NSD2: variants seen among roughly 807,000 people sequenced by gnomAD.
The protein encoded by NSD2 is histone-lysine N-methyltransferase NSD2.
NSD2 carries 12 observed loss-of-function variants against 139.0 expected under a neutral mutation model. The ratio of observed to expected loss-of-function variants is 0.09; its 90% CI spans 0.06 to 0.14. NSD2 has a LOEUF of 0.14. Among genes scored for constraint, NSD2 ranks in the 10% least tolerant of loss-of-function variants. The pLI is 1.00. For missense variants in NSD2, 1,155 were observed against 1,745.0 expected (o/e 0.66, Z 6.02); for synonymous variants, 669 against 648.7 (o/e 1.03, Z -0.48).
At chr4:1,876,536 T>C (rs915562353) in intron 1 of NSD2, among the ~76,000 whole-genome samples, 13 of 151,900 alleles carry the variant, frequency 8.6e-5, no homozygotes, top group African/African-American at 2.9e-4. Context: ...ACAAAAATTT[T>C]TGAAAATTAG....
intron 18 of NSD2, among the ~76,000 whole-genome samples, chr4:1,961,988 G>A (rs1432438747): frequency 1.3e-5 from 2 of 152,252 alleles, no homozygotes; most frequent in African/African-American, 4.8e-5. Context: ...ATTAATAGTA[G>A]TGCTTGAAAA....
rs1229975091 is a variant in NSD2 at position 1,906,761 on chromosome 4, A to G, written c.760+2383A>G. Among the ~76,000 whole-genome samples, 3 of 148,700 alleles carry G rather than the reference A, an allele frequency of 2.0e-5. No individual in the cohort carries two copies. The Admixed American group carries it at 2.0e-4, about 10-fold the overall frequency. The stretch of plus-strand genomic sequence containing the variant: ...CTGCAACCTCTGCTTCCTGGGTTCA[A>G]GGAATTCTTGTGTCTCAGCTTCCTG... On this transcript the variant is annotated intron_variant, in intron 3 of 21. Transcript: ENST00000508803.
chr4:1,893,249 C>G (rs1023898534), intron 1 of NSD2, among the ~76,000 whole-genome samples: 1 of 152,182 alleles, frequency 6.6e-6, no homozygotes, highest in African/African-American at 2.4e-5. Flanking sequence ...GGGTAGATCA[C>G]CTGAGGTCAG....
chr4:1,919,332 T>C (rs1175135107), intron 5 of NSD2: 2 of 152,188 alleles, frequency 1.3e-5, no homozygotes, highest in African/African-American at 2.4e-5. Context: ...TCTGTAAAGC[T>C]CATTGTGTCC....
intron 7 of NSD2, among the ~76,000 whole-genome samples, chr4:1,937,055 ATTT>A (rs547698122): frequency 2.8e-5 from 4 of 144,658 alleles, no homozygotes; most frequent in African/African-American, 7.6e-5. Context: ...TGGTCACCTA[ATTT>A]TTTTTTTTTT....
intron 18 of NSD2, among the ~76,000 whole-genome samples, chr4:1,968,333 G>A (rs940746432): frequency 2.0e-5 from 3 of 152,258 alleles, no homozygotes. Context: ...CTGCGAGGCA[G>A]GAAGGAAGAT....
chr4:1,892,416 C>T (rs1316949976), intron 1 of NSD2, among the ~76,000 whole-genome samples: 4 of 152,156 alleles, frequency 2.6e-5, no homozygotes, highest in Non-Finnish European at 4.4e-5. Context: ...GTTCAGCCTC[C>T]CTAGCCCCTT....
chr4:1,953,235 G>C, intron 11 of NSD2, 89 bp from the exon 12 acceptor site: 1 of 1,608,098 alleles, frequency 6.2e-7, no homozygotes, highest in Non-Finnish European at 8.5e-7. Context: ...CCTCTGAAGA[G>C]GAGTTGCTTG....
chr4:1,928,130 T>G (rs1577464555), intron 5 of NSD2, among the ~76,000 whole-genome samples: 1 of 152,058 alleles, frequency 6.6e-6, no homozygotes, highest in South Asian at 2.1e-4. Context: ...CTCAAACTCC[T>G]GGCCTCAAGT....
intron 5 of NSD2, among the ~76,000 whole-genome samples, chr4:1,923,663 C>T (rs1216241753): frequency 1.3e-5 from 2 of 152,138 alleles, no homozygotes; most frequent in Non-Finnish European, 2.9e-5. Context: ...TTGGCAAGAT[C>T]TAGTGAAATT....
rs1341400131 is a variant in NSD2 at position 1,955,046 on chromosome 4, T to G, written c.2339-115T>G. On this transcript the variant is annotated intron_variant, in intron 12 of 21. Coordinates refer to ENST00000508803, the MANE Select transcript of NSD2 (RefSeq NM_001042424.3). This position sits in a 1 kb window ranked among gnomAD's most constrained non-coding sequence, Gnocchi z 4.7. ...CTTTTTTTAAATCAAATACCTCCATTTCATTTTAGCATTAACTTTTCAAAT... is the reference window on the plus strand; with the variant it reads ...CTTTTTTTAAATCAAATACCTCCATGTCATTTTAGCATTAACTTTTCAAAT... 1 of 1,161,350 alleles carries G rather than the reference T, an allele frequency of 8.6e-7. No homozygotes were observed. Among genetic ancestry groups the G allele is most frequent in the African/African-American group, 1.5e-5 (1 of 64,768 alleles). The allele number at this position is 1,161,350 out of a possible 1,614,324, so 71.9% of individuals were successfully genotyped here. A position where few individuals can be genotyped will look rare whatever the true frequency, so the allele number is the denominator to read the frequency against.
intron 9 of NSD2, chr4:1,943,158 G>C (rs1292218236): frequency 9.6e-6 from 10 of 1,043,388 alleles, no homozygotes; most frequent in Non-Finnish European, 1.2e-5. Context: ...TCCTGCCCCA[G>C]GTGTCCGCAT....
Position 1,958,638 on chromosome 4 carries a change from G to A in NSD2, c.2985+602G>A, listed in dbSNP as rs528087683. 6.6e-6 allele frequency among the ~76,000 whole-genome samples: 1 copy of A among 152,360 alleles called. No homozygotes were observed. Among genetic ancestry groups the A allele is most frequent in the South Asian group, 2.1e-4 (1 of 4,832 alleles). On this transcript the variant is annotated intron_variant, in intron 16 of 21. Coordinates refer to ENST00000508803, the MANE Select transcript of NSD2 (RefSeq NM_001042424.3). This position sits in a 1 kb window ranked among gnomAD's most constrained non-coding sequence, Gnocchi z 4.6. ...CGAGTGTTTGTGATAAGTGTGTGCC[G>A]GAGGTCAGGTGCTCTGCCTTTGCTT...
chr4:1,950,829 ATATG>A (rs1394826563), intron 9 of NSD2, among the ~76,000 whole-genome samples: 1 of 152,228 alleles, frequency 6.6e-6, no homozygotes, highest in Non-Finnish European at 1.5e-5. Flanking sequence ...ATATGCATAT[ATATG>A]CTAAATACTA....
intron 9 of NSD2, chr4:1,947,797 T>C (rs774378704): frequency 3.4e-4 from 353 of 1,047,854 alleles, no homozygotes; most frequent in Non-Finnish European, 3.8e-4. Flanking sequence ...AGGTCTGTAA[T>C]TGTATTTCAA....
chr4:1,940,983 G>C (rs1402511129), intron 9 of NSD2: 1 of 1,058,388 alleles, frequency 9.4e-7, no homozygotes, highest in Non-Finnish European at 1.1e-6. Flanking sequence ...CGGATGGTGG[G>C]ACTGGGGCTG....
intron 5 of NSD2, among the ~76,000 whole-genome samples, chr4:1,923,511 GTCCTTCACAGTCA>G (rs1423369651): frequency 3.9e-5 from 6 of 152,132 alleles, no homozygotes; most frequent in Admixed American, 6.5e-5. Context: ...TGGTGGGATG[GTCCTTCACAGTCA>G]TCCTTCACAG....
In NSD2 at chr4:1,955,312, C is replaced by T. The variant is rs1331289337; in HGVS notation, c.2490C>T (p.Asn830=). The T allele has an allele frequency of 1.2e-5, 20 of 1,613,426 alleles. No homozygotes were observed. The highest frequency in any genetic ancestry group is 8.0e-5 in the African/African-American group (6 of 74,924). ...RKGKRHHAHV[N]VSWCFVCSKG... ...GGAAGCGACACCACGCCCACGTCAA[C>T]GTGAGCTGGTGCTTCGTGTGCTCCA... Residue 830 remains asparagine, a synonymous_variant, in exon 13 of 22, where the codon AAC becomes AAT. Transcript: ENST00000508803. The surrounding 1 kb of genome is among the most constrained non-coding windows in gnomAD (Gnocchi z 4.7).
At chr4:1,940,277 G>A (rs1722953444) in intron 9 of NSD2, 2 of 1,072,930 alleles carry the variant, frequency 1.9e-6, no homozygotes, top group African/African-American at 3.3e-5. Flanking sequence ...CATGGCTTTG[G>A]TCCTTTAAAT....
Sources: gnomAD v4.1 joint callset for allele counts (sites outside exome capture counted in the v4.1 genomes callset) on GRCh38, gnomAD v4.1.1 for gene constraint, Gnocchi (gnomAD v3.1) non-coding constraint, MANE v1.5 for transcripts, NCBI Gene and HGNC (gene_info 2026-07-23, HGNC 2026-07-21) for gene names.